Variants in FOCAD observed in about 807,000 individuals in gnomAD.
The protein encoded by FOCAD is KIAA1797.
FOCAD carries 198 observed loss-of-function variants against 225.6 expected under a neutral mutation model. The ratio of observed to expected loss-of-function variants is 0.88; its 90% CI spans 0.78 to 0.99. The LOEUF (loss-of-function observed/expected upper bound fraction) is 0.99. Ranked by LOEUF, FOCAD falls within the 50% of genes least tolerant of loss-of-function variation. FOCAD has a pLI of 0.00. For missense variants in FOCAD, 2,713 were observed against 2,123.6 expected (o/e 1.28, Z -5.46); for synonymous variants, 897 against 755.0 (o/e 1.19, Z -3.08).
chr9:20,875,975 A>G (rs969797595), intron 19 of FOCAD, among the ~76,000 whole-genome samples: 1 of 152,318 alleles, frequency 6.6e-6, no homozygotes, highest in East Asian at 1.9e-4. Context: ...TTATTTTCTC[A>G]GTCATAACCA....
At chr9:20,922,920 A>C (rs1834585285) in intron 24 of FOCAD, among the ~76,000 whole-genome samples, 1 of 151,492 alleles carries the variant, frequency 6.6e-6, no homozygotes, top group Admixed American at 6.6e-5. Context: ...TGGTAAGTAT[A>C]TTAAAAAGGT....
chr9:20,664,721 C>T (rs893236901), intron 2 of FOCAD, among the ~76,000 whole-genome samples: 2 of 151,088 alleles, frequency 1.3e-5, no homozygotes, highest in Non-Finnish European at 2.9e-5. Context: ...TCAAGCAATC[C>T]TCCTGACTTA....
At chr9:20,934,020 C>T (rs988837021) in intron 28 of FOCAD, among the ~76,000 whole-genome samples, 16 of 151,934 alleles carry the variant, frequency 1.1e-4, no homozygotes, top group African/African-American at 3.9e-4. Context: ...TGAGAATTGT[C>T]TATTCATGTC....
chr9:20,724,604 T>G (rs1326210404), intron 4 of FOCAD, among the ~76,000 whole-genome samples: 1 of 152,308 alleles, frequency 6.6e-6, no homozygotes, highest in East Asian at 1.9e-4. Context: ...TTTTCCTTAT[T>G]GTTGCCAGTG....
At chr9:20,749,766 A>G (rs567449273) in intron 5 of FOCAD, among the ~76,000 whole-genome samples, 18 of 152,282 alleles carry the variant, frequency 1.2e-4, no homozygotes, top group East Asian at 7.7e-4. Flanking sequence ...TAGCTTTCCT[A>G]TATTCAGAGA....
chr9:20,797,791 A>T (rs1413894596), intron 11 of FOCAD, among the ~76,000 whole-genome samples: 2 of 152,218 alleles, frequency 1.3e-5, no homozygotes, highest in African/African-American at 4.8e-5. Context: ...GCCATCTGCA[A>T]ACAGGGACCA....
chr9:20,937,881 A>G (rs994040365), intron 28 of FOCAD, among the ~76,000 whole-genome samples: 1 of 152,254 alleles, frequency 6.6e-6, no homozygotes, highest in Non-Finnish European at 1.5e-5. Context: ...ACAAATTCAC[A>G]AGAAAAAAAC....
At chr9:20,814,446 C>T (rs1823438444) in intron 11 of FOCAD, among the ~76,000 whole-genome samples, 1 of 151,842 alleles carries the variant, frequency 6.6e-6, no homozygotes, top group Non-Finnish European at 1.5e-5. Context: ...ACTTCCGCCT[C>T]CCAGGTTCAA....
At chr9:20,664,612 CT>C (rs1821839284) in intron 2 of FOCAD, among the ~76,000 whole-genome samples, 1 of 141,680 alleles carries the variant, frequency 7.1e-6, no homozygotes, top group African/African-American at 2.9e-5. Context: ...AGAGTGATTT[CT>C]TTTCTTTTCT....
chr9:20,867,735 A>T (rs1829413037), intron 18 of FOCAD, among the ~76,000 whole-genome samples: 2 of 152,072 alleles, frequency 1.3e-5, no homozygotes, highest in African/African-American at 4.8e-5. Context: ...GTGCCTCTGA[A>T]GTGTCAAGCA....
chr9:20,830,105 C>G (rs575316096), intron 15 of FOCAD, among the ~76,000 whole-genome samples: 1 of 152,090 alleles, frequency 6.6e-6, no homozygotes, highest in Non-Finnish European at 1.5e-5. Flanking sequence ...ATAAAATTCA[C>G]TTGCTGTTAT....
At chr9:20,869,056 G>T (rs553648259) in intron 18 of FOCAD, among the ~76,000 whole-genome samples, 2 of 152,072 alleles carry the variant, frequency 1.3e-5, no homozygotes, top group African/African-American at 4.8e-5. Context: ...CCTTAGTTTT[G>T]TAGATGTGAC....
chr9:20,727,996 T>G (rs1826349622), intron 4 of FOCAD, among the ~76,000 whole-genome samples: 1 of 152,228 alleles, frequency 6.6e-6, no homozygotes, highest in African/African-American at 2.4e-5. Context: ...GAGCAGTGTT[T>G]AGTGTTGTAA....
chr9:20,917,424 G>A (rs530989566), intron 24 of FOCAD, among the ~76,000 whole-genome samples: 19 of 152,122 alleles, frequency 1.2e-4, no homozygotes, highest in Non-Finnish European at 2.1e-4. Context: ...TATGCTTATG[G>A]TTGTTTTAAC....
intron 43 of FOCAD, among the ~76,000 whole-genome samples, chr9:20,994,951 A>AT (rs1486092889): frequency 2.8e-5 from 4 of 140,806 alleles, no homozygotes; most frequent in Admixed American, 1.5e-4. Flanking sequence ...TAAAATATCA[A>AT]TACATTTGTA....
At chr9:20,796,076 G>C (rs1193875976) in intron 11 of FOCAD, among the ~76,000 whole-genome samples, 1 of 147,604 alleles carries the variant, frequency 6.8e-6, no homozygotes, top group Non-Finnish European at 1.5e-5. Flanking sequence ...TTGGTTTTTT[G>C]TTCTTGCGAT....
intron 4 of FOCAD, among the ~76,000 whole-genome samples, chr9:20,723,984 GA>G (rs1300124289): frequency 6.6e-6 from 1 of 152,100 alleles, no homozygotes; most frequent in Non-Finnish European, 1.5e-5. Flanking sequence ...GCAAGAGAGA[GA>G]GGGGGAGGTC....
chr9:20,922,588 G>C (rs1400678594), intron 24 of FOCAD, among the ~76,000 whole-genome samples: 1 of 152,204 alleles, frequency 6.6e-6, no homozygotes, highest in Non-Finnish European at 1.5e-5. Flanking sequence ...GAGGTACTAG[G>C]CTCATTTAGG....
intron 8 of FOCAD, among the ~76,000 whole-genome samples, chr9:20,771,458 C>T (rs1364734921): frequency 6.6e-6 from 1 of 152,054 alleles, no homozygotes; most frequent in Admixed American, 6.6e-5. Context: ...GTGGCTTAAC[C>T]AACAAAAATG....
Sources: allele counts gnomAD v4.1 joint callset (sites outside exome capture counted in the v4.1 genomes callset), GRCh38; gene constraint gnomAD v4.1.1; transcripts MANE v1.5; gene names NCBI Gene and HGNC (gene_info 2026-07-23, HGNC 2026-07-21).